The following MGAT4C variants were observed in gnomAD, a reference collection of about 807,000 sequenced individuals.
The protein encoded by MGAT4C is MGAT4 family member C.
In MGAT4C, 19 loss-of-function variants were observed where a neutral mutation model predicts 40.1. The ratio of observed to expected loss-of-function variants is 0.47; its 90% confidence interval spans 0.33 to 0.70. MGAT4C has a LOEUF of 0.70. MGAT4C is among the 30% of genes least tolerant of loss of function. The pLI, the probability that MGAT4C is intolerant of heterozygous loss-of-function variation, is 0.02. For missense variants in MGAT4C, 491 were observed against 563.2 expected (o/e 0.87, Z 1.30); for synonymous variants, 181 against 187.1 (o/e 0.97, Z 0.27).
At chr12:86,629,992 T>C (rs11611942) in intron 2 of MGAT4C, among the ~76,000 whole-genome samples, 13,058 of 151,706 alleles carry the variant, frequency 0.086, 895 homozygotes, top group African/African-American at 0.19. Context: ...TCAACAAAAT[T>C]GATAGACCAC....
chr12:85,989,702 C>T (rs1885661896), intron 2 of MGAT4C, 150 bp from the exon 3 acceptor site: 4 of 655,494 alleles, frequency 6.1e-6, no homozygotes. Flanking sequence ...AAGGTTGGCA[C>T]AGATCATTAA....
chr12:86,285,812 TTATG>T (rs1218331873), intron 4 of MGAT4C, among the ~76,000 whole-genome samples: 1 of 152,002 alleles, frequency 6.6e-6, no homozygotes, highest in African/African-American at 2.4e-5. Flanking sequence ...TAAATAAATC[TTATG>T]TATGTAATAA....
At chr12:86,368,598 T>C (rs1955654320) in intron 3 of MGAT4C, among the ~76,000 whole-genome samples, 1 of 152,056 alleles carries the variant, frequency 6.6e-6, no homozygotes, top group African/African-American at 2.4e-5. Flanking sequence ...TTTTTTTGTT[T>C]GTTTCTAGAC....
chr12:86,616,940 C>T (rs1962470641), intron 2 of MGAT4C, among the ~76,000 whole-genome samples: 1 of 152,030 alleles, frequency 6.6e-6, no homozygotes, highest in Non-Finnish European at 1.5e-5. Context: ...TCTCAAAAAC[C>T]TGTTATTTGT....
intron 1 of MGAT4C, among the ~76,000 whole-genome samples, chr12:86,776,659 G>C (rs904978061): frequency 3.3e-5 from 5 of 151,852 alleles, no homozygotes; most frequent in Admixed American, 6.6e-5. Flanking sequence ...TTATGACCTT[G>C]TATGTTAAAA....
chr12:86,157,969 C>A (rs552390916), intron 1 of MGAT4C, among the ~76,000 whole-genome samples: 1 of 152,186 alleles, frequency 6.6e-6, no homozygotes, highest in Non-Finnish European at 1.5e-5. Context: ...TATTAAACAA[C>A]TGAAAAATAT....
At chr12:86,212,310 TTTTTA>T (rs1338945584) in intron 1 of MGAT4C, among the ~76,000 whole-genome samples, 2 of 152,154 alleles carry the variant, frequency 1.3e-5, no homozygotes, top group East Asian at 3.9e-4. Flanking sequence ...TTATAAAATA[TTTTTA>T]TCACAGGTTT....
At chr12:86,484,581 C>G (rs1345033248) in intron 2 of MGAT4C, among the ~76,000 whole-genome samples, 2 of 152,198 alleles carry the variant, frequency 1.3e-5, no homozygotes, top group African/African-American at 4.8e-5. Context: ...TGATCCCAAT[C>G]CCTCAGGGCT....
At chr12:86,147,638 A>G (rs1406759026) in intron 1 of MGAT4C, among the ~76,000 whole-genome samples, 2 of 152,180 alleles carry the variant, frequency 1.3e-5, no homozygotes, top group Non-Finnish European at 2.9e-5. Flanking sequence ...ATTTGAGTGG[A>G]GCATTGGAGA....
intron 2 of MGAT4C, among the ~76,000 whole-genome samples, chr12:86,656,260 C>T (rs1963847909): frequency 6.6e-6 from 1 of 151,378 alleles, no homozygotes; most frequent in South Asian, 2.1e-4. Context: ...TGTATATATA[C>T]TTTTGGAAAT....
intron 4 of MGAT4C, among the ~76,000 whole-genome samples, chr12:86,290,582 G>A (rs914079651): frequency 1.3e-5 from 2 of 152,036 alleles, no homozygotes; most frequent in Admixed American, 6.6e-5. Context: ...TTGGTCCCTT[G>A]GTGATTAAAA....
intron 1 of MGAT4C, among the ~76,000 whole-genome samples, chr12:86,105,565 A>T (rs1876003554): frequency 2.6e-5 from 4 of 152,194 alleles, no homozygotes. Context: ...AGGGAAGAAC[A>T]GAACTGTAAG....
intron 2 of MGAT4C, among the ~76,000 whole-genome samples, chr12:86,448,706 T>C (rs1302089846): frequency 1.3e-5 from 2 of 152,198 alleles, no homozygotes; most frequent in East Asian, 1.9e-4. Flanking sequence ...TCTTCTAAGA[T>C]TGACAAAGTA....
In MGAT4C at chr12:86,714,731, T is replaced by C. The variant is rs142898202; in HGVS notation, c.-229+12478A>G. On this transcript the variant is annotated intron_variant, in intron 2 of 7. Transcript: ENST00000548651. Reference sequence around the variant, plus strand: ...TATGTCTTTATCAGTAGTGTGAAAATGGAATAATACAGAGAAGGAGTGAGG... The same window carrying C: ...TATGTCTTTATCAGTAGTGTGAAAACGGAATAATACAGAGAAGGAGTGAGG... Among the ~76,000 whole-genome samples, 3 of 135,898 alleles carry C rather than the reference T, an allele frequency of 2.2e-5. No homozygotes were observed. The East Asian group carries it at 6.4e-4, about 29-fold the overall frequency. The allele number at this position is 135,898 out of a possible 152,430, so 89.2% of individuals were successfully genotyped here.
intron 1 of MGAT4C, among the ~76,000 whole-genome samples, chr12:86,184,357 C>T (rs1260678524): frequency 6.7e-6 from 1 of 148,710 alleles, no homozygotes; most frequent in Non-Finnish European, 1.5e-5. Context: ...GCCTGGGTGA[C>T]TAAGTGAGAC....
chr12:86,589,671 C>G (rs570659908), intron 2 of MGAT4C, among the ~76,000 whole-genome samples: 1 of 152,122 alleles, frequency 6.6e-6, no homozygotes, highest in South Asian at 2.1e-4. Flanking sequence ...TACTGGCAAA[C>G]CGAATCCAGC....
At chr12:86,418,509 T>C (rs1043260408) in intron 3 of MGAT4C, among the ~76,000 whole-genome samples, 5 of 151,984 alleles carry the variant, frequency 3.3e-5, no homozygotes, top group African/African-American at 1.2e-4. Flanking sequence ...GGAGAATCTC[T>C]TCAACCGGGA....
chr12:86,616,686 CAA>C, intron 2 of MGAT4C, among the ~76,000 whole-genome samples: 1 of 151,366 alleles, frequency 6.6e-6, no homozygotes, highest in Non-Finnish European at 1.5e-5. Context: ...TGACTTTCAT[CAA>C]AGTTAACAGG....
intron 1 of MGAT4C, among the ~76,000 whole-genome samples, chr12:86,105,424 C>T (rs1875969970): frequency 6.6e-6 from 1 of 152,240 alleles, no homozygotes; most frequent in South Asian, 2.1e-4. Context: ...ATTTCTCACA[C>T]AGGCCTCATT....
Sources: gnomAD v4.1 joint callset for allele counts (sites outside exome capture counted in the v4.1 genomes callset) on GRCh38, gnomAD v4.1.1 for gene constraint, MANE v1.5 for transcripts, NCBI Gene and HGNC (gene_info 2026-07-23, HGNC 2026-07-21) for gene names.